The following TENM2 variants were observed in gnomAD, a reference collection of about 807,000 sequenced individuals.
The protein encoded by TENM2 is teneurin-2.
A neutral mutation model predicts 245.2 loss-of-function variants in TENM2; 52 were observed. The observed-to-expected ratio is 0.21, with a 90% confidence interval of 0.17 to 0.27. The LOEUF is 0.27. Among genes scored for constraint, TENM2 ranks in the 10% least tolerant of loss-of-function variants. The pLI, the probability that TENM2 is intolerant of heterozygous loss-of-function variation, is 1.00. For missense variants in TENM2, 3,046 were observed against 3,666.8 expected (o/e 0.83, Z 4.37); for synonymous variants, 1,363 against 1,438.9 (o/e 0.95, Z 1.19).
At chr5:167,167,705 T>G in the TENM2 span, among the ~76,000 whole-genome samples, 1 of 152,286 alleles carries the variant, frequency 6.6e-6, no homozygotes, top group African/African-American at 2.4e-5. Context: ...ACTGTTTCAC[T>G]CTTTTGTGTT....
chr5:167,206,589 A>C, the TENM2 span, among the ~76,000 whole-genome samples: 1 of 152,208 alleles, frequency 6.6e-6, no homozygotes, highest in Non-Finnish European at 1.5e-5. Context: ...CACTTACTTT[A>C]TATAGGCCAC....
chr5:167,179,458 T>TTTTTA, the TENM2 span, among the ~76,000 whole-genome samples: 2 of 152,212 alleles, frequency 1.3e-5, no homozygotes. Context: ...GCTACATTCT[T>TTTTTA]TTTTATTTTA....
the TENM2 span, among the ~76,000 whole-genome samples, chr5:167,273,712 T>A: frequency 6.6e-6 from 1 of 152,296 alleles, no homozygotes; most frequent in East Asian, 1.9e-4. Context: ...AAGACTATGT[T>A]GTCCAAGCAG....
At chr5:167,459,397 C>T (rs1047418618) in intron 2 of TENM2, among the ~76,000 whole-genome samples, 2 of 152,156 alleles carry the variant, frequency 1.3e-5, no homozygotes, top group African/African-American at 4.8e-5. Flanking sequence ...TCATCTGTTA[C>T]TGAACACCTG....
intron 4 of TENM2, among the ~76,000 whole-genome samples, chr5:167,965,783 G>T (rs946118447): frequency 2.6e-5 from 4 of 152,198 alleles, no homozygotes; most frequent in Middle Eastern, 3.4e-3. Context: ...AACCAGGGCT[G>T]GGGGAATTAA....
At chr5:167,515,744 C>A (rs1025927091) in intron 2 of TENM2, among the ~76,000 whole-genome samples, 1 of 132,056 alleles carries the variant, frequency 7.6e-6, no homozygotes, top group Non-Finnish European at 1.6e-5. Flanking sequence ...TGGCTCACTG[C>A]AAGCTCCACC....
chr5:167,949,184 G>A (rs543328542), intron 3 of TENM2, among the ~76,000 whole-genome samples: 34 of 152,254 alleles, frequency 2.2e-4, no homozygotes, highest in African/African-American at 8.2e-4. Context: ...TAAATTACGA[G>A]AACAGGGATC....
intron 2 of TENM2, among the ~76,000 whole-genome samples, chr5:167,872,352 A>AAGAT (rs1772940934): frequency 7.3e-6 from 1 of 136,968 alleles, no homozygotes. Context: ...GAAAGAAAGA[A>AAGAT]AGGAAAGAGA....
At chr5:167,931,370 G>A (rs550037211) in intron 3 of TENM2, among the ~76,000 whole-genome samples, 9 of 152,096 alleles carry the variant, frequency 5.9e-5, no homozygotes, top group South Asian at 2.1e-4. Flanking sequence ...AGATCATATC[G>A]GGTTGGGAAA....
intron 17 of TENM2, among the ~76,000 whole-genome samples, chr5:168,201,339 T>C (rs1298441883): frequency 6.6e-6 from 1 of 151,988 alleles, no homozygotes; most frequent in Non-Finnish European, 1.5e-5. Flanking sequence ...TATGTATATA[T>C]GCACATATAT....
chr5:167,154,284 C>A, the TENM2 span, among the ~76,000 whole-genome samples: 1 of 152,086 alleles, frequency 6.6e-6, no homozygotes, highest in Non-Finnish European at 1.5e-5. Flanking sequence ...TTAAAACTTG[C>A]AAGCATTTTT....
At chr5:167,535,913 T>A (rs1408113827) in intron 2 of TENM2, among the ~76,000 whole-genome samples, 1 of 152,174 alleles carries the variant, frequency 6.6e-6, no homozygotes, top group African/African-American at 2.4e-5. Context: ...AACCTGCTTA[T>A]GGTTGTGCAG....
At chr5:168,115,131 T>TA (rs750459273) in intron 9 of TENM2, among the ~76,000 whole-genome samples, 2 of 151,868 alleles carry the variant, frequency 1.3e-5, no homozygotes, top group Non-Finnish European at 2.9e-5. Context: ...CCATCTCTAC[T>TA]AAAAATACAA....
chr5:167,278,877 G>T, the TENM2 span, among the ~76,000 whole-genome samples: 1 of 152,042 alleles, frequency 6.6e-6, no homozygotes, highest in Admixed American at 6.5e-5. Flanking sequence ...CCACATTCTC[G>T]CTAACTCTTG....
the TENM2 span, among the ~76,000 whole-genome samples, chr5:167,046,267 T>C: frequency 4.9e-3 from 752 of 152,144 alleles, 6 homozygotes; most frequent in African/African-American, 0.017. Flanking sequence ...TGGGATTTTT[T>C]CCCCCAAATA....
upstream of TENM2, among the ~76,000 whole-genome samples, chr5:167,280,347 C>G (rs975874054): frequency 7.2e-5 from 11 of 152,154 alleles, no homozygotes; most frequent in Non-Finnish European, 1.5e-4. Flanking sequence ...TCTTCCACAC[C>G]ACTCCAGTGG....
At chr5:167,448,931 C>T (rs1367360212) in intron 2 of TENM2, among the ~76,000 whole-genome samples, 2 of 151,950 alleles carry the variant, frequency 1.3e-5, no homozygotes, top group Non-Finnish European at 2.9e-5. Flanking sequence ...CAAGAGCCCA[C>T]ACCTGTAAAG....
At chr5:167,064,153 G>C in the TENM2 span, among the ~76,000 whole-genome samples, 1 of 152,176 alleles carries the variant, frequency 6.6e-6, no homozygotes, top group Non-Finnish European at 1.5e-5. Context: ...AAGTGTCACA[G>C]CCCAAGGTAG....
intron 2 of TENM2, among the ~76,000 whole-genome samples, chr5:167,433,237 C>A (rs2127446581): frequency 6.6e-6 from 1 of 151,906 alleles, no homozygotes; most frequent in Non-Finnish European, 1.5e-5. Context: ...CTGTTGGTGT[C>A]AAGTCCATTT....
Sources: gnomAD v4.1 joint callset for allele counts (sites outside exome capture counted in the v4.1 genomes callset) on GRCh38, gnomAD v4.1.1 for gene constraint, MANE v1.5 for transcripts, NCBI Gene and HGNC (gene_info 2026-07-23, HGNC 2026-07-21) for gene names.